HAPLN1: variants seen among roughly 807,000 people sequenced by gnomAD.
HAPLN1 encodes hyaluronan and proteoglycan link protein 1, also known as Cartilage link protein.
Under a neutral mutation model 36.5 loss-of-function variants are expected in HAPLN1, and 13 were observed. That is an observed-to-expected ratio of 0.36 (90% CI 0.23 to 0.57). HAPLN1 has a LOEUF of 0.57. Ranked by LOEUF, HAPLN1 falls within the 20% of genes least tolerant of loss-of-function variation. HAPLN1 has a pLI of 0.83. For synonymous variants in HAPLN1, 202 were observed against 169.8 expected, an observed-to-expected ratio of 1.19 and a Z score of -1.48; for missense variants, 407 against 439.7, an observed-to-expected ratio of 0.93 and a Z score of 0.66.
At chr5:83,694,299 T>C (rs1751344139) in intron 1 of HAPLN1, among the ~76,000 whole-genome samples, 1 of 152,040 alleles carries the variant, frequency 6.6e-6, no homozygotes, top group Non-Finnish European at 1.5e-5. Flanking sequence ...GAAGCAATAC[T>C]TAGTTTAGAA....
chr5:83,712,317 A>G (rs980057945), intron 1 of HAPLN1, among the ~76,000 whole-genome samples: 1 of 152,150 alleles, frequency 6.6e-6, no homozygotes, highest in African/African-American at 2.4e-5. Context: ...CCTTAATTTA[A>G]AAATGATTAT....
At chr5:83,662,776 C>T (rs1037035000) in intron 2 of HAPLN1, among the ~76,000 whole-genome samples, 4 of 152,166 alleles carry the variant, frequency 2.6e-5, no homozygotes, top group African/African-American at 7.2e-5. Flanking sequence ...TACTTGTCTC[C>T]ATTCAGACCA....
chr5:83,659,188 C>A (rs1461176034), intron 2 of HAPLN1, among the ~76,000 whole-genome samples: 1 of 151,832 alleles, frequency 6.6e-6, no homozygotes, highest in Non-Finnish European at 1.5e-5. Flanking sequence ...GCAGGAGAAT[C>A]GCTTGAATCT....
At chr5:83,652,120 A>T in intron 3 of HAPLN1, 1 of 307,500 alleles carries the variant, frequency 3.3e-6, no homozygotes, top group Non-Finnish European at 5.9e-6. Flanking sequence ...AAATAAAAAA[A>T]GTACACAGTC....
chr5:83,693,514 A>C (rs1469910307), intron 1 of HAPLN1, among the ~76,000 whole-genome samples: 1 of 151,892 alleles, frequency 6.6e-6, no homozygotes, highest in Non-Finnish European at 1.5e-5. Context: ...AGGGTAAATC[A>C]TCTATAAACC....
At position 83,638,306 on chromosome 5, in the gene HAPLN1, C is replaced by T. The variant is rs577288044; in HGVS notation, c.*3190G>A. 1.8e-4 allele frequency: 27 copies of T among 151,902 alleles called. No individual in the cohort carries two copies. Among genetic ancestry groups the T allele is most frequent in the African/African-American group, 5.5e-4 (23 of 41,444 alleles). 9.4% of individuals were successfully genotyped at this position (151,902 alleles called of 1,614,324 possible). A position where few individuals can be genotyped will look rare whatever the true frequency, so the allele number is the denominator to read the frequency against. The stretch of plus-strand genomic sequence containing the variant: ...ATTGATTCTTCTCCTCAAAGTTATA[C>T]TTGATATCTATTAAATGCCTTTAAA... On this transcript the variant is annotated 3_prime_UTR_variant, in exon 5 of 5. Coordinates refer to ENST00000274341, the MANE Select transcript of HAPLN1 (RefSeq NM_001884.4).
rs148698912 is a variant in HAPLN1 at position 83,684,544 on chromosome 5, G to A, written c.-26-10995C>T. ...TAGAAACGGTTTCAGAAAGGTGATC[G>A]TTCAGCTGGGCTGAAAGACAAACAG... is the stretch of plus-strand genomic sequence containing the variant. On this transcript the variant is annotated intron_variant, in intron 1 of 4. Coordinates refer to ENST00000274341, the MANE Select transcript of HAPLN1 (RefSeq NM_001884.4). Among the ~76,000 whole-genome samples the A allele has an allele frequency of 3.5e-3, 526 of 152,226 alleles. 4 individuals carry two copies. Among genetic ancestry groups the A allele is most frequent in the Non-Finnish European group, 4.7e-3 (323 of 68,022 alleles).
At chr5:83,652,430 G>A (rs1750092757) in intron 3 of HAPLN1, 23 bp downstream of exon 3, 1 of 1,590,820 alleles carries the variant, frequency 6.3e-7, no homozygotes. Flanking sequence ...TTTATACGTT[G>A]AACATGACTT....
At position 83,673,553 on chromosome 5, in the gene HAPLN1, C is replaced by G. The variant is rs545911942; in HGVS notation, c.-26-4G>C. 2.0e-6 allele frequency: 3 copies of G among 1,498,792 alleles called. No individual in the cohort carries two copies. The South Asian group carries it at 3.4e-5, about 17-fold the overall frequency. 92.8% of individuals were successfully genotyped at this position (1,498,792 alleles called of 1,614,324 possible). A position where few individuals can be genotyped will look rare whatever the true frequency, so the allele number is the denominator to read the frequency against. On this transcript the variant is annotated splice_polypyrimidine_tract_variant and splice_region_variant and intron_variant, in intron 1 of 4. Transcript: ENST00000274341. The stretch of plus-strand genomic sequence containing the variant: ...ATAGCCCAAAGAATCTTCTTCACTG[C>G]GAGAGCATCACATACAAAGAGGCTT...
chr5:83,658,077 A>G (rs1750272675), intron 2 of HAPLN1, among the ~76,000 whole-genome samples: 1 of 152,174 alleles, frequency 6.6e-6, no homozygotes, highest in South Asian at 2.1e-4. Flanking sequence ...CCAAACTGAT[A>G]GACATAGACT....
chr5:83,673,393 G>A, intron 2 of HAPLN1, 31 bp downstream of exon 2: 1 of 1,435,538 alleles, frequency 7.0e-7, no homozygotes, highest in South Asian at 1.3e-5. Context: ...AAATTAATTA[G>A]GCTTTGATAA....
At chr5:83,699,455 G>T (rs914856714) in intron 1 of HAPLN1, among the ~76,000 whole-genome samples, 2 of 152,146 alleles carry the variant, frequency 1.3e-5, no homozygotes, top group Non-Finnish European at 2.9e-5. Flanking sequence ...TTAGAAAGCT[G>T]CTCTGCTACT....
At chr5:83,673,254 A>G (rs1273715989) in intron 2 of HAPLN1, among the ~76,000 whole-genome samples, 170 bp downstream of exon 2, 1 of 152,172 alleles carries the variant, frequency 6.6e-6, no homozygotes, top group African/African-American at 2.4e-5. Context: ...TCTTAACTCT[A>G]CTGTAATGCA....
At chr5:83,658,150 T>C (rs1750275623) in intron 2 of HAPLN1, among the ~76,000 whole-genome samples, 1 of 152,198 alleles carries the variant, frequency 6.6e-6, no homozygotes. Context: ...AAAACAGTTC[T>C]TTATTTTGTG....
intron 2 of HAPLN1, among the ~76,000 whole-genome samples, chr5:83,654,783 G>A (rs1212438835): frequency 6.6e-6 from 1 of 152,158 alleles, no homozygotes; most frequent in Non-Finnish European, 1.5e-5. Flanking sequence ...GTGAACAAGG[G>A]CTCTAATGTG....
chr5:83,644,661 C>T lies in HAPLN1; in HGVS notation c.477G>A (p.Val159=), dbSNP rs1430465562. ...TVVVALDLQG[V]VFPYFPRLGR... ...CCAGTCGTGGAAAGTAAGGGAATAC[C>T]ACACCTGTCCAAAGGAGAAAGCAAG... The change falls in exon 4 of 5, where the codon GTG becomes GTA. Residue 159 remains valine (V), a synonymous_variant. Transcript: ENST00000274341. 9 of 1,449,180 alleles carry T rather than the reference C, an allele frequency of 6.2e-6. No individual in the cohort carries two copies. Among genetic ancestry groups the T allele is most frequent in the Non-Finnish European group, 8.2e-6 (9 of 1,096,124 alleles). The allele number at this position is 1,449,180 out of a possible 1,614,324, so 89.8% of individuals were successfully genotyped here. A position where few individuals can be genotyped will look rare whatever the true frequency, so the allele number is the denominator to read the frequency against.
intron 3 of HAPLN1, among the ~76,000 whole-genome samples, chr5:83,647,735 TC>T (rs1749914572): frequency 6.6e-6 from 1 of 152,168 alleles, no homozygotes; most frequent in South Asian, 2.1e-4. Flanking sequence ...TAATTTATCC[TC>T]CATACTTATA....
At chr5:83,711,789 A>C (rs1751790276) in intron 1 of HAPLN1, among the ~76,000 whole-genome samples, 1 of 152,068 alleles carries the variant, frequency 6.6e-6, no homozygotes, top group South Asian at 2.1e-4. Context: ...TATTGTCTTG[A>C]TATATATAAA....
At chr5:83,705,837 TAAA>T (rs1054349028) in intron 1 of HAPLN1, among the ~76,000 whole-genome samples, 6 of 151,536 alleles carry the variant, frequency 4.0e-5, no homozygotes, top group African/African-American at 1.2e-4. Flanking sequence ...ACTAGGGTAA[TAAA>T]GAAGAAAAGA....
Sources: gnomAD v4.1 joint callset for allele counts (sites outside exome capture counted in the v4.1 genomes callset) on GRCh38, gnomAD v4.1.1 for gene constraint, MANE v1.5 for transcripts, NCBI Gene and HGNC (gene_info 2026-07-23, HGNC 2026-07-21) for gene names.